TRIM9: variants seen among roughly 807,000 people sequenced by gnomAD.
TRIM9 encodes the protein E3 ubiquitin-protein ligase TRIM9.
Under a neutral mutation model 78.3 loss-of-function variants are expected in TRIM9, and 26 were observed. The observed-to-expected ratio is 0.33, with a 90% CI of 0.24 to 0.46. The LOEUF is 0.46. TRIM9 is among the 20% of genes least tolerant of loss of function. TRIM9 has a pLI of 1.00. For synonymous variants in TRIM9, 398 were observed against 416.5 expected (o/e 0.96, Z 0.54); for missense variants, 787 against 1,036.4 (o/e 0.76, Z 3.30).
chr14:51,088,958 A>G (rs554646503), intron 1 of TRIM9: 1 of 151,476 alleles, frequency 6.6e-6, no homozygotes, highest in Non-Finnish European at 1.5e-5. Flanking sequence ...TGCAAGTGGC[A>G]GGAAACCAAC....
intron 7 of TRIM9, chr14:50,996,433 C>G (rs1353173773): frequency 2.0e-6 from 2 of 985,348 alleles, no homozygotes; most frequent in African/African-American, 1.7e-5. Flanking sequence ...AGTGCTCAGG[C>G]TGTTATGCTA....
At chr14:51,073,680 G>A (rs1410053331) in intron 1 of TRIM9, among the ~76,000 whole-genome samples, 1 of 152,176 alleles carries the variant, frequency 6.6e-6, no homozygotes, top group East Asian at 1.9e-4. Context: ...GGCTTCTGGA[G>A]GCTGATGATA....
intron 1 of TRIM9, among the ~76,000 whole-genome samples, chr14:51,064,426 A>G (rs183833188): frequency 9.3e-4 from 142 of 152,210 alleles, no homozygotes; most frequent in African/African-American, 3.3e-3. Context: ...ATTAAAAGGT[A>G]AAGACTAGCA....
At chr14:51,041,633 A>G (rs1210726946) in intron 1 of TRIM9, among the ~76,000 whole-genome samples, 1 of 152,224 alleles carries the variant, frequency 6.6e-6, no homozygotes, top group Admixed American at 6.5e-5. Flanking sequence ...GTATGGTATG[A>G]ATTTAATTTC....
intron 1 of TRIM9, among the ~76,000 whole-genome samples, chr14:51,066,082 AAGGAAG>A (rs1566631060): frequency 1.0e-5 from 1 of 97,778 alleles, no homozygotes; most frequent in Admixed American, 1.2e-4. Flanking sequence ...GGAAGGAAGG[AAGGAAG>A]GAGGGAGGGA....
chr14:51,015,129 T>C lies in TRIM9; in HGVS notation c.1042-4635A>G, dbSNP rs549044250. ...TAAGTGGCAAATTTATAAAGGTCATTTCTTGGGTCAGGATATGACACTGAT... is the reference window on the plus strand; with the variant it reads ...TAAGTGGCAAATTTATAAAGGTCATCTCTTGGGTCAGGATATGACACTGAT... On this transcript the variant is annotated intron_variant, in intron 3 of 12. Coordinates refer to ENST00000684578, the MANE Select transcript of TRIM9 (RefSeq NM_001387360.1). 6.6e-5 allele frequency among the ~76,000 whole-genome samples: 10 copies of C among 152,314 alleles called. No homozygotes were observed. In the South Asian group the frequency reaches 1.9e-3, roughly 28 times the overall value.
intron 1 of TRIM9, among the ~76,000 whole-genome samples, chr14:51,051,459 G>T (rs1279586489): frequency 1.3e-5 from 2 of 152,162 alleles, no homozygotes; most frequent in African/African-American, 4.8e-5. Context: ...AGAGGAATTT[G>T]GGACAGGTCG....
intron 1 of TRIM9, among the ~76,000 whole-genome samples, chr14:51,072,034 T>TTC (rs2062323451): frequency 6.6e-6 from 1 of 151,898 alleles, no homozygotes; most frequent in African/African-American, 2.4e-5. Flanking sequence ...AACTTTCCTT[T>TTC]CTTCCTTCCT....
Position 51,094,495 on chromosome 14 carries a change from G to C in TRIM9, c.445C>G (p.Arg149Gly). The C allele has an allele frequency of 6.2e-7, 1 of 1,613,690 alleles. No homozygotes were observed. The highest frequency in any genetic ancestry group is 8.5e-7 in the Non-Finnish European group (1 of 1,179,926). The stretch of plus-strand genomic sequence containing the variant: ...CGGTCAATTACCCCTTCCAGTACGC[G>C]ATTCTTGGGGAAGCCGCGGAGCCCC... Reference protein sequence around the residue: ...DRGLRGFPKNRVLEGVIDRYQ... With the variant: ...DRGLRGFPKNGVLEGVIDRYQ... Residue 149 changes from arginine (R) to glycine (G), a missense_variant, in exon 1 of 13, where the codon CGC becomes GGC. Transcript: ENST00000684578.
chr14:51,067,222 C>T (rs112264147), intron 1 of TRIM9, among the ~76,000 whole-genome samples: 1 of 152,254 alleles, frequency 6.6e-6, no homozygotes, highest in African/African-American at 2.4e-5. Context: ...TTATTTAGCC[C>T]GTTTCTGAGG....
intron 7 of TRIM9, among the ~76,000 whole-genome samples, chr14:50,989,755 G>T (rs17123344): frequency 2.0e-5 from 3 of 152,162 alleles, no homozygotes; most frequent in African/African-American, 7.2e-5. Flanking sequence ...GACTGTGTTC[G>T]TAACGAATAC....
In TRIM9 at chr14:51,000,666, G is replaced by A; in HGVS notation, c.1464+17C>T. 1 of 1,613,904 alleles carries A rather than the reference G, an allele frequency of 6.2e-7. No homozygotes were observed. The highest frequency in any genetic ancestry group is 8.5e-7 in the Non-Finnish European group (1 of 1,179,820). Reference sequence around the variant, plus strand: ...ACTGCTTTGGGTTAACAAGTACGTAGTGGGCTGTCTACTGACCCGGAATTG... The same window carrying A: ...ACTGCTTTGGGTTAACAAGTACGTAATGGGCTGTCTACTGACCCGGAATTG... On this transcript the variant is annotated intron_variant, in intron 6 of 12. Coordinates refer to ENST00000684578, the MANE Select transcript of TRIM9 (RefSeq NM_001387360.1).
intron 8 of TRIM9, among the ~76,000 whole-genome samples, 166 bp from the exon 9 acceptor site, chr14:50,983,587 C>T (rs1311647836): frequency 1.3e-5 from 2 of 152,138 alleles, no homozygotes; most frequent in Non-Finnish European, 2.9e-5. Flanking sequence ...AAAAACTGCC[C>T]CTCTGCTCTT....
Position 50,976,481 on chromosome 14 carries a change from T to A in TRIM9, c.*810A>T, listed in dbSNP as rs2051099098. 6.6e-6 allele frequency: 1 copy of A among 152,272 alleles called. No homozygotes were observed. 9.4% of individuals were successfully genotyped at this position (152,272 alleles called of 1,614,324 possible). A position where few individuals can be genotyped will look rare whatever the true frequency, so the allele number is the denominator to read the frequency against. ...TCTGTTCACCACTGTGTCCCCACAGTGTCTAGAACATAATGTTCTAGTGTC... is the reference window on the plus strand; with the variant it reads ...TCTGTTCACCACTGTGTCCCCACAGAGTCTAGAACATAATGTTCTAGTGTC... On this transcript the variant is annotated 3_prime_UTR_variant, in exon 13 of 13. Transcript: ENST00000684578.
rs776987772 is a variant in TRIM9 at position 50,983,383 on chromosome 14, A to T, written c.1831T>A (p.Leu611Ile). ...FETQSAPYSQLVDIKKLLAVA... is the reference protein window; with the variant it reads ...FETQSAPYSQIVDIKKLLAVA... The stretch of plus-strand genomic sequence containing the variant: ...TAATTACAATAGGTATACTTGCCTA[A>T]TTGAGAGTAAGGTGCAGATTGTGTC... Residue 611 changes from leucine to isoleucine, a missense_variant, in exon 9 of 13, where the codon TTA becomes ATA. Transcript: ENST00000684578. The T allele has an allele frequency of 8.4e-6, 13 of 1,542,222 alleles. No homozygotes were observed. The South Asian group carries it at 1.4e-4, about 17-fold the overall frequency.
At chr14:51,048,489 T>C (rs2060126539) in intron 1 of TRIM9, among the ~76,000 whole-genome samples, 1 of 152,266 alleles carries the variant, frequency 6.6e-6, no homozygotes, top group Non-Finnish European at 1.5e-5. Context: ...ATCCTGAGTG[T>C]GTCCTAGTGA....
At chr14:51,055,919 T>C (rs1008631120) in intron 1 of TRIM9, among the ~76,000 whole-genome samples, 1 of 152,232 alleles carries the variant, frequency 6.6e-6, no homozygotes, top group African/African-American at 2.4e-5. Flanking sequence ...ATGAGCTTTA[T>C]TAAGCTATTA....
chr14:51,072,247 A>C (rs1378668330), intron 1 of TRIM9, among the ~76,000 whole-genome samples: 1 of 152,132 alleles, frequency 6.6e-6, no homozygotes, highest in African/African-American at 2.4e-5. Flanking sequence ...TTGTAGTCTT[A>C]ATACTTTATC....
intron 1 of TRIM9, among the ~76,000 whole-genome samples, chr14:51,039,199 T>A (rs1371601975): frequency 6.6e-6 from 1 of 152,236 alleles, no homozygotes; most frequent in African/African-American, 2.4e-5. Flanking sequence ...GGTCAGCACA[T>A]GGAACATCTA....
Sources: gnomAD v4.1 joint callset for allele counts (sites outside exome capture counted in the v4.1 genomes callset) on GRCh38, gnomAD v4.1.1 for gene constraint, MANE v1.5 for transcripts, NCBI Gene and HGNC (gene_info 2026-07-23, HGNC 2026-07-21) for gene names.